EMP3: variants seen among roughly 807,000 people sequenced by gnomAD.
EMP3 encodes epithelial membrane protein 3 (MAM blood group).
In EMP3, 15 loss-of-function variants were observed where a neutral mutation model predicts 21.6. That is an observed-to-expected ratio of 0.69 (90% CI 0.46 to 1.07). The LOEUF (loss-of-function observed/expected upper bound fraction) is 1.07, where lower values mean the gene tolerates loss of function less well. Among genes scored for constraint, EMP3 ranks in the 50% least tolerant of loss-of-function variants. EMP3 has a pLI of 0.00. For synonymous variants in EMP3, 107 were observed against 86.1 expected (o/e 1.24, Z -1.34); for missense variants, 183 against 206.6 (o/e 0.89, Z 0.70).
intron 1 of EMP3, among the ~76,000 whole-genome samples, chr19:48,326,413 G>A (rs999633189): frequency 3.3e-5 from 5 of 152,046 alleles, no homozygotes; most frequent in Middle Eastern, 3.4e-3. Flanking sequence ...AGGCCCCAGC[G>A]GTCTCCTCCC....
Position 48,329,070 on chromosome 19 carries a change from C to T in EMP3, c.182-282C>T, listed in dbSNP as rs1969166987. Among the ~76,000 whole-genome samples, 1 of 151,922 alleles carries T rather than the reference C, an allele frequency of 6.6e-6. No homozygotes were observed. The highest frequency in any genetic ancestry group is 6.6e-5 in the Admixed American group (1 of 15,250). Reference sequence around the variant, plus strand: ...CCTGAAGGACGAGGCTGCAGTGAGCCATGATTATACCACTGCACTCCAGCT... The same window carrying T: ...CCTGAAGGACGAGGCTGCAGTGAGCTATGATTATACCACTGCACTCCAGCT... On this transcript the variant is annotated intron_variant, in intron 3 of 4. Coordinates refer to ENST00000270221, the MANE Select transcript of EMP3 (RefSeq NM_001425.3). The surrounding 1 kb of genome is among the most constrained non-coding windows in gnomAD (Gnocchi z 4.5).
rs752508584 is a variant in EMP3 at position 48,326,905 on chromosome 19, G to A, written c.61G>A (p.Val21Met). The change falls in exon 2 of 5, where the codon GTG becomes ATG. Residue 21 changes from valine (V) to methionine (M), a missense_variant. Transcript: ENST00000270221. ...LHILILILLF[V>M]ATLDKSWWTL... ...CATCCTCATTCTTATACTGCTTTTC[G>A]TGGCCACTTTGGACAAGGTAAGCCT... The A allele has an allele frequency of 1.4e-5, 22 of 1,613,760 alleles. No individual in the cohort carries two copies. The highest frequency in any genetic ancestry group is 2.7e-5 in the African/African-American group (2 of 74,822).
In EMP3 at chr19:48,326,824, C is replaced by T; in HGVS notation, c.-15-6C>T. 6.2e-7 allele frequency: 1 copy of T among 1,612,640 alleles called. No individual in the cohort carries two copies. The highest frequency in any genetic ancestry group is 2.2e-5 in the East Asian group (1 of 44,810). Reference sequence around the variant, plus strand: ...TGAGACTCCGTCCCCTGCTCCCCCTCCCCAGGCTTCCACTGCAGCCATGTC... The same window carrying T: ...TGAGACTCCGTCCCCTGCTCCCCCTTCCCAGGCTTCCACTGCAGCCATGTC... On this transcript the variant is annotated splice_region_variant and splice_polypyrimidine_tract_variant and intron_variant, in intron 1 of 4. Transcript: ENST00000270221.
At chr19:48,328,239 G>A (rs1005865909) in intron 3 of EMP3, among the ~76,000 whole-genome samples, 5 of 151,706 alleles carry the variant, frequency 3.3e-5, no homozygotes, top group African/African-American at 9.7e-5. Context: ...ATGAAACCCC[G>A]TCTCTACTAA....
rs1969167092 is a variant in EMP3, at chr19:48,329,078, T to C, written c.182-274T>C. Among the ~76,000 whole-genome samples the C allele has an allele frequency of 1.3e-5, 2 of 152,000 alleles. No homozygotes were observed. The highest frequency in any genetic ancestry group is 2.9e-5 in the Non-Finnish European group (2 of 68,002). ...ACGAGGCTGCAGTGAGCCATGATTA[T>C]ACCACTGCACTCCAGCTTGGGCAAC... is the stretch of plus-strand genomic sequence containing the variant. On this transcript the variant is annotated intron_variant, in intron 3 of 4. Transcript: ENST00000270221. The surrounding 1 kb of genome is among the most constrained non-coding windows in gnomAD (Gnocchi z 4.5).
chr19:48,327,660 G>GTTTACCTTCCCCTTT, intron 3 of EMP3, 37 bp downstream of exon 3: 1 of 1,583,508 alleles, frequency 6.3e-7, no homozygotes, highest in Non-Finnish European at 8.6e-7. Context: ...TCTTCAAAGG[G>GTTTACCTTCCCCTTT]GAAGGTAAAC....
At chr19:48,327,071 C>T (rs1969134414) in intron 2 of EMP3, 149 bp downstream of exon 2, 1 of 739,438 alleles carries the variant, frequency 1.4e-6, no homozygotes, top group Non-Finnish European at 2.2e-6. Context: ...CTCACTCTGT[C>T]CCCCAGGCTG....
chr19:48,327,848 C>T (rs1281798523), intron 3 of EMP3: 3 of 514,286 alleles, frequency 5.8e-6, no homozygotes, highest in Non-Finnish European at 7.1e-6. Flanking sequence ...CCTCTGGTTG[C>T]CCAGGCTGGA....
intron 1 of EMP3, among the ~76,000 whole-genome samples, chr19:48,326,521 TTCTC>T (rs939809593): frequency 1.3e-5 from 2 of 151,134 alleles, no homozygotes; most frequent in African/African-American, 4.9e-5. Context: ...GACGGAGTCT[TTCTC>T]TGTCACCCAG....
Position 48,325,553 on chromosome 19 carries a change from G to A in EMP3, c.-73G>A, listed in dbSNP as rs967280165. ...GGAGGGAGGAGAAGGGCGGGGCACGGAGGCCCGAGCGAGGGACAAGACTCC... is the reference window on the plus strand; with the variant it reads ...GGAGGGAGGAGAAGGGCGGGGCACGAAGGCCCGAGCGAGGGACAAGACTCC... On this transcript the variant is annotated 5_prime_UTR_variant, in exon 1 of 5. Transcript: ENST00000270221. The A allele has an allele frequency of 2.0e-5, 3 of 152,158 alleles. No homozygotes were observed. The highest frequency in any genetic ancestry group is 7.2e-5 in the African/African-American group (3 of 41,394). 9.4% of individuals were successfully genotyped at this position (152,158 alleles called of 1,614,324 possible).
Position 48,329,287 on chromosome 19 carries a change from C to G in EMP3, c.182-65C>G. On this transcript the variant is annotated intron_variant, in intron 3 of 4. Coordinates refer to ENST00000270221, the MANE Select transcript of EMP3 (RefSeq NM_001425.3). The surrounding 1 kb of genome is among the most constrained non-coding windows in gnomAD (Gnocchi z 4.5). ...GGGCAGAGAAGGGTCACATGGTGAG[C>G]AAGCAGGTGAAGCTGGAACTCTGGA... The G allele has an allele frequency of 6.3e-7, 1 of 1,598,428 alleles. No homozygotes were observed.
chr19:48,330,158 C>A, intron 4 of EMP3, 143 bp from the exon 5 acceptor site: 1 of 1,241,690 alleles, frequency 8.1e-7, no homozygotes, highest in Non-Finnish European at 1.1e-6. Flanking sequence ...TTGCACGGCG[C>A]TGGGCGGGGG....
At chr19:48,327,448 C>G in intron 2 of EMP3, 73 bp from the exon 3 acceptor site, 2 of 1,136,204 alleles carry the variant, frequency 1.8e-6, no homozygotes, top group East Asian at 2.5e-5. Context: ...CCCAGCCCTT[C>G]CCACAGTCTG....
In EMP3 at chr19:48,330,478, G is replaced by A. The variant is rs774642523; in HGVS notation, c.*8G>A. On this transcript the variant is annotated 3_prime_UTR_variant, in exon 5 of 5. Coordinates refer to ENST00000270221, the MANE Select transcript of EMP3 (RefSeq NM_001425.3). ...CTACGGAAGCGGGAGTGAGCGCCCCGCCTCGCTCGGCTGCCCCCGCCCCTT... is the reference window on the plus strand; with the variant it reads ...CTACGGAAGCGGGAGTGAGCGCCCCACCTCGCTCGGCTGCCCCCGCCCCTT... 18 of 1,572,550 alleles carry A rather than the reference G, an allele frequency of 1.1e-5. No homozygotes were observed. The highest frequency in any genetic ancestry group is 1.4e-5 in the African/African-American group (1 of 72,138).
Position 48,326,837 on chromosome 19 carries a change from C to A in EMP3, c.-8C>A. 6.2e-7 allele frequency: 1 copy of A among 1,613,806 alleles called. No individual in the cohort carries two copies. Reference sequence around the variant, plus strand: ...CCTGCTCCCCCTCCCCAGGCTTCCACTGCAGCCATGTCACTCCTCTTGCTG... The same window carrying A: ...CCTGCTCCCCCTCCCCAGGCTTCCAATGCAGCCATGTCACTCCTCTTGCTG... On this transcript the variant is annotated 5_prime_UTR_variant, in exon 2 of 5. In the 5' UTR this introduces an upstream ATG that the reference lacks. Transcript: ENST00000270221.
At position 48,327,595 on chromosome 19, in the gene EMP3, A is replaced by G; in HGVS notation, c.153A>G (p.Thr51=). The G allele has an allele frequency of 1.2e-6, 2 of 1,613,900 alleles. No homozygotes were observed. The highest frequency in any genetic ancestry group is 1.7e-6 in the Non-Finnish European group (2 of 1,179,948). ...YDCTWNNDTK[T]WACSNVSENG... is the part of the protein sequence containing the mutation. ...GCACGTGGAACAACGACACCAAAAC[A>G]TGGGCCTGCAGTAATGTCAGCGAGA... The change falls in exon 3 of 5, where the codon ACA becomes ACG. Residue 51 remains threonine (T), a synonymous_variant. Transcript: ENST00000270221.
At position 48,329,330 on chromosome 19, in the gene EMP3, C is replaced by T. The variant is rs145929034; in HGVS notation, c.182-22C>T. 11,384 of 1,613,874 alleles carry T rather than the reference C, an allele frequency of 7.1e-3. 58 individuals are homozygous for T. The highest frequency in any genetic ancestry group is 0.021 in the Middle Eastern group (129 of 6,058). On this transcript the variant is annotated intron_variant, in intron 3 of 4. Coordinates refer to ENST00000270221, the MANE Select transcript of EMP3 (RefSeq NM_001425.3). This position sits in a 1 kb window ranked among gnomAD's most constrained non-coding sequence, Gnocchi z 4.5. ...ACTCTGGACCCACGGTGATGTCCCC[C>T]TCTGTGTCCTCCTTACTGCAGGCTG...
At chr19:48,328,584 G>T (rs182097069) in intron 3 of EMP3, among the ~76,000 whole-genome samples, 74 of 152,212 alleles carry the variant, frequency 4.9e-4, no homozygotes, top group South Asian at 1.7e-3. Flanking sequence ...TTCTAAAGGG[G>T]TGGGGCCAGG....
rs779783698 is a variant in EMP3 at position 48,329,537 on chromosome 19, A to G, written c.322+45A>G. On this transcript the variant is annotated intron_variant, in intron 4 of 4. Coordinates refer to ENST00000270221, the MANE Select transcript of EMP3 (RefSeq NM_001425.3). The surrounding 1 kb of genome is among the most constrained non-coding windows in gnomAD (Gnocchi z 4.5). ...AACCCTAATCCCCCAAGAATTGAGC[A>G]GAAGGGAGTGGGGTGTGTCAAGATG... The G allele has an allele frequency of 1.2e-6, 2 of 1,609,774 alleles. No homozygotes were observed. Among genetic ancestry groups the G allele is most frequent in the Non-Finnish European group, 1.7e-6 (2 of 1,177,326 alleles).
Sources: gnomAD v4.1 joint callset for allele counts (sites outside exome capture counted in the v4.1 genomes callset) on GRCh38, gnomAD v4.1.1 for gene constraint, Gnocchi (gnomAD v3.1) non-coding constraint, MANE v1.5 for transcripts, NCBI Gene and HGNC (gene_info 2026-07-23, HGNC 2026-07-21) for gene names.